ADAMTS16: variants seen among roughly 807,000 people sequenced by gnomAD.
The protein encoded by ADAMTS16 is ADAM metallopeptidase with thrombospondin type 1 motif 16.
A neutral mutation model predicts 145.8 loss-of-function variants in ADAMTS16; 94 were observed. The ratio of observed to expected loss-of-function variants is 0.64; its 90% CI spans 0.55 to 0.77. The LOEUF (loss-of-function observed/expected upper bound fraction) is 0.77, where lower values mean the gene tolerates loss of function less well. ADAMTS16 is among the 30% of genes least tolerant of loss of function. The pLI is 0.00. For missense variants in ADAMTS16, 1,585 were observed against 1,591.5 expected (o/e 1.00, Z 0.07); for synonymous variants, 659 against 604.3 (o/e 1.09, Z -1.33).
intron 17 of ADAMTS16, among the ~76,000 whole-genome samples, chr5:5,247,903 T>C (rs1015064278): frequency 5.3e-5 from 8 of 152,250 alleles, no homozygotes; most frequent in Non-Finnish European, 8.8e-5. Flanking sequence ...CCACAGCAAT[T>C]GTGCAGGGCC....
intron 18 of ADAMTS16, among the ~76,000 whole-genome samples, chr5:5,277,942 A>G (rs1738765218): frequency 6.6e-6 from 1 of 152,190 alleles, no homozygotes; most frequent in African/African-American, 2.4e-5. Flanking sequence ...TGATCATGCC[A>G]CTGTCCTCCA....
intron 3 of ADAMTS16, among the ~76,000 whole-genome samples, chr5:5,149,314 A>C (rs2255611): frequency 1 from 151,594 of 152,268 alleles, 75,494 homozygotes; most frequent in Middle Eastern, 1. Flanking sequence ...TGGTCACCAA[A>C]CACAAGCACA....
At chr5:5,259,549 G>C (rs1266332692) in intron 17 of ADAMTS16, among the ~76,000 whole-genome samples, 1 of 152,216 alleles carries the variant, frequency 6.6e-6, no homozygotes, top group Non-Finnish European at 1.5e-5. Flanking sequence ...GATTTATTTT[G>C]AGAGCTTCAA....
chr5:5,149,443 C>G (rs1484773030), intron 3 of ADAMTS16, among the ~76,000 whole-genome samples: 1 of 152,080 alleles, frequency 6.6e-6, no homozygotes, highest in Non-Finnish European at 1.5e-5. Flanking sequence ...ACAATAATGA[C>G]TTACTGAATG....
At chr5:5,210,315 C>T (rs963601194) in intron 10 of ADAMTS16, among the ~76,000 whole-genome samples, 10 of 151,862 alleles carry the variant, frequency 6.6e-5, no homozygotes, top group African/African-American at 2.2e-4. Flanking sequence ...GCTTTGTGAC[C>T]ACGGACTGTG....
At chr5:5,168,928 C>A (rs893315751) in intron 3 of ADAMTS16, among the ~76,000 whole-genome samples, 2 of 150,902 alleles carry the variant, frequency 1.3e-5, no homozygotes, top group African/African-American at 4.9e-5. Context: ...AGCCCCTGAG[C>A]CCCGGATTCC....
intron 9 of ADAMTS16, 147 bp from the exon 10 acceptor site, chr5:5,208,946 T>G (rs1185204420): frequency 1.4e-6 from 1 of 721,138 alleles, no homozygotes; most frequent in African/African-American, 1.8e-5. Flanking sequence ...ATAAGTATTA[T>G]ATTGTAACTC....
At chr5:5,200,601 G>T (rs2126591834) in intron 9 of ADAMTS16, among the ~76,000 whole-genome samples, 1 of 152,302 alleles carries the variant, frequency 6.6e-6, no homozygotes, top group South Asian at 2.1e-4. Context: ...TGAATAGAAA[G>T]ATCGTACATG....
At chr5:5,221,551 G>T (rs766376763) in intron 10 of ADAMTS16, among the ~76,000 whole-genome samples, 1 of 152,086 alleles carries the variant, frequency 6.6e-6, no homozygotes, top group African/African-American at 2.4e-5. Flanking sequence ...AAACCACAGC[G>T]CAATATGAAA....
chr5:5,151,389 C>T (rs900616618), intron 3 of ADAMTS16, among the ~76,000 whole-genome samples: 6 of 151,890 alleles, frequency 4.0e-5, no homozygotes, highest in Non-Finnish European at 7.4e-5. Flanking sequence ...CAGGTGCACA[C>T]CACCATGCCC....
intron 17 of ADAMTS16, among the ~76,000 whole-genome samples, chr5:5,247,364 C>G (rs1256760955): frequency 6.6e-6 from 1 of 152,132 alleles, no homozygotes; most frequent in Non-Finnish European, 1.5e-5. Flanking sequence ...CCCCGCCCCC[C>G]GATCCCAACC....
chr5:5,205,593 T>C (rs952798452), intron 9 of ADAMTS16, among the ~76,000 whole-genome samples: 3 of 152,256 alleles, frequency 2.0e-5, no homozygotes, highest in African/African-American at 7.2e-5. Context: ...CACATTCTCA[T>C]CAGTGTTTGA....
At chr5:5,307,782 A>G (rs34190926) in intron 21 of ADAMTS16, among the ~76,000 whole-genome samples, 10,348 of 152,246 alleles carry the variant, frequency 0.068, 481 homozygotes, top group Middle Eastern at 0.12. Context: ...AGTGAGAGGC[A>G]CAAGCTCACC....
In ADAMTS16 at chr5:5,310,721, C is replaced by T. The variant is rs1401197292; in HGVS notation, c.3411+3993C>T. The stretch of plus-strand genomic sequence containing the variant: ...CTCCCTCAACCTCCAGAAGGCACCA[C>T]CTCTGCTGCTCATACCTTAATTTTG... On this transcript the variant is annotated intron_variant, in intron 21 of 22. Coordinates refer to ENST00000274181, the MANE Select transcript of ADAMTS16 (RefSeq NM_139056.4). This position sits in a 1 kb window ranked among gnomAD's most constrained non-coding sequence, Gnocchi z 4.3. 2.0e-5 allele frequency among the ~76,000 whole-genome samples: 3 copies of T among 152,336 alleles called. No individual in the cohort carries two copies. Among genetic ancestry groups the T allele is most frequent in the South Asian group, 2.1e-4 (1 of 4,824 alleles).
intron 10 of ADAMTS16, among the ~76,000 whole-genome samples, chr5:5,212,196 T>TTTTTG (rs1560951009): frequency 9.4e-5 from 10 of 105,826 alleles, no homozygotes; most frequent in Non-Finnish European, 6.5e-5. Flanking sequence ...TGGGGTTTTT[T>TTTTTG]TTGTTTTGTT....
chr5:5,250,690 C>A (rs1363181842), intron 17 of ADAMTS16, among the ~76,000 whole-genome samples: 1 of 122,484 alleles, frequency 8.2e-6, no homozygotes, highest in Non-Finnish European at 1.8e-5. Flanking sequence ...TGGTTCATCA[C>A]CCTGTCTGTC....
chr5:5,285,537 T>C (rs947284025), intron 18 of ADAMTS16, among the ~76,000 whole-genome samples: 2 of 152,232 alleles, frequency 1.3e-5, no homozygotes, highest in African/African-American at 4.8e-5. Context: ...TATTAATCTC[T>C]GAAATGTGCA....
chr5:5,145,633 A>G (rs553568727), intron 2 of ADAMTS16, among the ~76,000 whole-genome samples: 3 of 152,260 alleles, frequency 2.0e-5, no homozygotes, highest in Non-Finnish European at 4.4e-5. Context: ...TAAAGGACGA[A>G]TATTTTCTCT....
intron 3 of ADAMTS16, among the ~76,000 whole-genome samples, chr5:5,162,122 T>C (rs559658935): frequency 7.9e-5 from 12 of 152,308 alleles, no homozygotes; most frequent in Non-Finnish European, 1.8e-4. Context: ...GTGCCAGTGA[T>C]ATAATTTGAA....
Sources: allele counts gnomAD v4.1 joint callset (sites outside exome capture counted in the v4.1 genomes callset), GRCh38; gene constraint gnomAD v4.1.1; non-coding constraint Gnocchi (gnomAD v3.1); transcripts MANE v1.5; gene names NCBI Gene and HGNC (gene_info 2026-07-23, HGNC 2026-07-21).